GMDS: variants seen among roughly 807,000 people sequenced by gnomAD.
GMDS encodes the protein GDP-mannose 4,6-dehydratase.
GMDS carries 20 observed loss-of-function variants against 49.9 expected under a neutral mutation model. The ratio of observed to expected loss-of-function variants is 0.40; its 90% CI spans 0.28 to 0.58. The LOEUF (loss-of-function observed/expected upper bound fraction) is 0.58. Ranked by LOEUF, GMDS falls within the 20% of genes least tolerant of loss-of-function variation. GMDS has a pLI of 0.42. For missense variants in GMDS, 362 were observed against 481.4 expected, an observed-to-expected ratio of 0.75 and a Z score of 2.32; for synonymous variants, 177 against 178.6, an observed-to-expected ratio of 0.99 and a Z score of 0.07.
intron 7 of GMDS, among the ~76,000 whole-genome samples, chr6:1,905,573 G>T (rs966079956): frequency 7.2e-6 from 1 of 139,084 alleles, no homozygotes; most frequent in Non-Finnish European, 1.6e-5. Flanking sequence ...TGCATGTGGG[G>T]CCAGCACATA....
At chr6:2,118,703 T>G (rs1395900153) in intron 2 of GMDS, among the ~76,000 whole-genome samples, 1 of 152,200 alleles carries the variant, frequency 6.6e-6, no homozygotes, top group Non-Finnish European at 1.5e-5. Context: ...ATCAACATTA[T>G]TTTCCAAAAG....
At chr6:2,063,997 G>T (rs192999843) in intron 4 of GMDS, among the ~76,000 whole-genome samples, 1 of 152,074 alleles carries the variant, frequency 6.6e-6, no homozygotes, top group Admixed American at 6.5e-5. Flanking sequence ...CCCAAGTGTC[G>T]GGCAAATTGA....
intron 8 of GMDS, among the ~76,000 whole-genome samples, chr6:1,737,615 A>G (rs1429207215): frequency 1.4e-5 from 2 of 145,578 alleles, no homozygotes; most frequent in Non-Finnish European, 3.0e-5. Flanking sequence ...CACACCACAA[A>G]CACACACACA....
intron 9 of GMDS, among the ~76,000 whole-genome samples, chr6:1,663,305 A>G (rs1764139353): frequency 6.6e-6 from 1 of 152,182 alleles, no homozygotes; most frequent in South Asian, 2.1e-4. Flanking sequence ...AAAGGCAGCC[A>G]CTGTTTTCAT....
intron 9 of GMDS, among the ~76,000 whole-genome samples, chr6:1,723,073 G>A (rs1766440421): frequency 3.3e-5 from 5 of 152,152 alleles, no homozygotes; most frequent in Admixed American, 2.6e-4. Context: ...AAGCGATATT[G>A]AAGGTTTTGA....
At chr6:1,626,951 A>T (rs1176423691) in intron 9 of GMDS, among the ~76,000 whole-genome samples, 1 of 152,248 alleles carries the variant, frequency 6.6e-6, no homozygotes, top group Non-Finnish European at 1.5e-5. Context: ...TAAACTTCTC[A>T]ATTTAGTTTT....
chr6:2,123,100 C>T (rs1295115626), intron 2 of GMDS, among the ~76,000 whole-genome samples: 1 of 152,202 alleles, frequency 6.6e-6, no homozygotes, highest in African/African-American at 2.4e-5. Context: ...CAAGGGACAC[C>T]TAAATGGAGA....
At chr6:1,924,432 T>C (rs1208660723) in intron 7 of GMDS, among the ~76,000 whole-genome samples, 1 of 152,214 alleles carries the variant, frequency 6.6e-6, no homozygotes, top group Non-Finnish European at 1.5e-5. Context: ...TACTGAGTCC[T>C]GGAAAGAGGC....
chr6:2,157,542 C>G (rs1447237844), intron 1 of GMDS, among the ~76,000 whole-genome samples: 1 of 152,202 alleles, frequency 6.6e-6, no homozygotes, highest in African/African-American at 2.4e-5. Context: ...CTAATCTCAG[C>G]ATCCAGATGT....
intron 4 of GMDS, among the ~76,000 whole-genome samples, chr6:1,973,361 A>T (rs1233110664): frequency 1.3e-5 from 2 of 152,206 alleles, no homozygotes; most frequent in East Asian, 3.8e-4. Flanking sequence ...TCATATATCT[A>T]CCAAGATGAG....
At chr6:2,082,428 C>T (rs1323860172) in intron 4 of GMDS, among the ~76,000 whole-genome samples, 1 of 152,220 alleles carries the variant, frequency 6.6e-6, no homozygotes, top group Non-Finnish European at 1.5e-5. Context: ...CCCACATATC[C>T]CACAGCAGTC....
intron 1 of GMDS, among the ~76,000 whole-genome samples, chr6:2,145,221 G>A (rs1467449174): frequency 2.0e-5 from 3 of 152,094 alleles, no homozygotes; most frequent in South Asian, 4.1e-4. Flanking sequence ...AACACCAAAC[G>A]TATCTAAGAA....
intron 7 of GMDS, among the ~76,000 whole-genome samples, chr6:1,843,488 C>T (rs986335067): frequency 3.3e-5 from 5 of 152,128 alleles, no homozygotes; most frequent in Non-Finnish European, 4.4e-5. Flanking sequence ...AAGGAGCAGG[C>T]CAGGAATGGT....
intron 6 of GMDS, among the ~76,000 whole-genome samples, chr6:1,933,186 A>G (rs1454981800): frequency 6.6e-6 from 1 of 152,230 alleles, no homozygotes; most frequent in Non-Finnish European, 1.5e-5. Context: ...TTCAAGGTTC[A>G]TCCATACTGT....
At chr6:2,043,762 A>T (rs1769828469) in intron 4 of GMDS, among the ~76,000 whole-genome samples, 1 of 152,198 alleles carries the variant, frequency 6.6e-6, no homozygotes, top group African/African-American at 2.4e-5. Context: ...TCAACAGAGT[A>T]GACAGACAAA....
intron 7 of GMDS, among the ~76,000 whole-genome samples, chr6:1,745,873 T>C (rs1391238088): frequency 6.6e-6 from 1 of 152,212 alleles, no homozygotes; most frequent in Non-Finnish European, 1.5e-5. Context: ...GATTAGAAGA[T>C]AAATGATCCT....
At chr6:1,986,519 T>C (rs1765556752) in intron 4 of GMDS, among the ~76,000 whole-genome samples, 1 of 152,206 alleles carries the variant, frequency 6.6e-6, no homozygotes, top group Non-Finnish European at 1.5e-5. Flanking sequence ...AAGAAAGTTG[T>C]CTTAAGTTTC....
At chr6:1,653,823 T>C (rs1763790736) in intron 9 of GMDS, among the ~76,000 whole-genome samples, 1 of 152,160 alleles carries the variant, frequency 6.6e-6, no homozygotes, top group Admixed American at 6.6e-5. Context: ...GACCTATACA[T>C]AAGACTTAAA....
chr6:1,691,235 T>C (rs1306322149), intron 9 of GMDS, among the ~76,000 whole-genome samples: 1 of 152,044 alleles, frequency 6.6e-6, no homozygotes, highest in Non-Finnish European at 1.5e-5. Context: ...TGGAAGCCAT[T>C]ACCCTCAGCA....
Sources: gnomAD v4.1 joint callset for allele counts (sites outside exome capture counted in the v4.1 genomes callset) on GRCh38, gnomAD v4.1.1 for gene constraint, MANE v1.5 for transcripts, NCBI Gene and HGNC (gene_info 2026-07-23, HGNC 2026-07-21) for gene names.